The following HK2 variants were observed in gnomAD, a reference collection of about 807,000 sequenced individuals.
HK2 encodes the protein hexokinase-2.
In HK2, 42 loss-of-function variants were observed where a neutral mutation model predicts 92.9. The ratio of observed to expected loss-of-function variants is 0.45; its 90% confidence interval spans 0.35 to 0.58. The LOEUF (loss-of-function observed/expected upper bound fraction) is 0.58. Ranked by LOEUF, HK2 falls within the 20% of genes least tolerant of loss-of-function variation. The pLI is 0.00. For missense variants in HK2, 978 were observed against 1,245.1 expected (o/e 0.79, Z 3.23); for synonymous variants, 422 against 468.0 (o/e 0.90, Z 1.27).
At chr2:74,855,486 C>T (rs897342671) in intron 2 of HK2, among the ~76,000 whole-genome samples, 3 of 152,196 alleles carry the variant, frequency 2.0e-5, no homozygotes, top group Admixed American at 6.5e-5. Context: ...CCGCCCACCT[C>T]GGCCTCCCAA....
intron 2 of HK2, among the ~76,000 whole-genome samples, chr2:74,866,859 AT>A (rs1391825551): frequency 6.6e-6 from 1 of 152,180 alleles, no homozygotes; most frequent in Non-Finnish European, 1.5e-5. Flanking sequence ...GTTGGTCCTC[AT>A]TCCACTCCAT....
chr2:74,837,131 T>G (rs997032794), intron 1 of HK2, among the ~76,000 whole-genome samples: 1 of 152,240 alleles, frequency 6.6e-6, no homozygotes, highest in Non-Finnish European at 1.5e-5. Context: ...AACATTCAAA[T>G]CAGCCCCATG....
In HK2 at chr2:74,881,686, T is replaced by C. The variant is rs151192478; in HGVS notation, c.1571-25T>C. 3.6e-3 allele frequency: 5,761 copies of C among 1,613,502 alleles called. 10 individuals carry two copies. The highest frequency in any genetic ancestry group is 4.4e-3 in the Non-Finnish European group (5,203 of 1,179,734). ...ATTCCCCATGTTCTGCCCCAACTTA[T>C]CACTTCCCTGGGCTTATTTTCCAGA... On this transcript the variant is annotated intron_variant, in intron 10 of 17. Coordinates refer to ENST00000290573, the MANE Select transcript of HK2 (RefSeq NM_000189.5).
In HK2 at chr2:74,848,304, T is replaced by C. The variant is rs28362971; in HGVS notation, c.64-5989T>C. On this transcript the variant is annotated intron_variant, in intron 1 of 17. Transcript: ENST00000290573. ...ATAATATGAGCCAGCTTCTTTGATA[T>C]AAAGTCCTAGAGAGCAGGGCTGTTG... Among the ~76,000 whole-genome samples, 69 of 152,364 alleles carry C rather than the reference T, an allele frequency of 4.5e-4. No individual in the cohort carries two copies. The East Asian group carries it at 6.2e-3, about 14-fold the overall frequency.
intron 1 of HK2, among the ~76,000 whole-genome samples, chr2:74,837,698 A>G (rs1285950717): frequency 8.7e-6 from 1 of 115,550 alleles, no homozygotes; most frequent in African/African-American, 3.4e-5. Context: ...TTTTTTTGAG[A>G]CACAGTTTCA....
At chr2:74,853,073 A>G (rs890817106) in intron 1 of HK2, among the ~76,000 whole-genome samples, 3 of 152,132 alleles carry the variant, frequency 2.0e-5, no homozygotes, top group African/African-American at 7.2e-5. Flanking sequence ...CTCTACAGAG[A>G]GAGGCCTGAA....
chr2:74,841,578 G>A (rs138335528), intron 1 of HK2, among the ~76,000 whole-genome samples: 46 of 152,248 alleles, frequency 3.0e-4, no homozygotes, highest in African/African-American at 7.2e-4. Context: ...TCTTGTGACC[G>A]TCATGGTGGG....
chr2:74,847,074 G>C (rs533837119), intron 1 of HK2, among the ~76,000 whole-genome samples: 2 of 152,292 alleles, frequency 1.3e-5, no homozygotes, highest in South Asian at 4.1e-4. Flanking sequence ...GGCACCTGGA[G>C]AGACGGTTCT....
intron 12 of HK2, among the ~76,000 whole-genome samples, chr2:74,884,892 G>A (rs1360140372): frequency 6.6e-6 from 1 of 152,232 alleles, no homozygotes; most frequent in Non-Finnish European, 1.5e-5. Context: ...GAGGAGCCTG[G>A]AGTTGTTTTC....
intron 2 of HK2, among the ~76,000 whole-genome samples, chr2:74,861,498 T>A (rs1688825530): frequency 1.3e-5 from 2 of 151,664 alleles, no homozygotes; most frequent in Non-Finnish European, 2.9e-5. Flanking sequence ...TTTACATAAA[T>A]CTGTTTTACT....
At position 74,883,729 on chromosome 2, in the gene HK2, C is replaced by A. The variant is rs368377925; in HGVS notation, c.1839+1490C>A. ...CCTATTAACATTCATGTAGTGTTAA[C>A]CAGACTAGCGTTGCTTTATGCCTCA... On this transcript the variant is annotated intron_variant, in intron 12 of 17. Transcript: ENST00000290573. Among the ~76,000 whole-genome samples the A allele has an allele frequency of 5.9e-5, 9 of 152,312 alleles. No individual in the cohort carries two copies. In the East Asian group the frequency reaches 1.7e-3, roughly 29 times the overall value.
At position 74,834,345 on chromosome 2, in the gene HK2, G is replaced by A. The variant is rs1313833255; in HGVS notation, c.-236G>A. On this transcript the variant is annotated 5_prime_UTR_variant, in exon 1 of 18. Transcript: ENST00000290573. The surrounding 1 kb of genome is among the most constrained non-coding windows in gnomAD (Gnocchi z 4.2). ...CGTGGGACAACCGGACACGTCGCCA[G>A]GAGAGAACTGAGGCGCCTTCTAGCA... 3 of 596,608 alleles carry A rather than the reference G, an allele frequency of 5.0e-6. No homozygotes were observed. Among genetic ancestry groups the A allele is most frequent in the Admixed American group, 5.4e-5 (2 of 36,988 alleles). 37.0% of individuals were successfully genotyped at this position (596,608 alleles called of 1,614,324 possible).
At chr2:74,882,056 C>T in intron 11 of HK2, 64 bp from the exon 12 acceptor site, 1 of 1,523,882 alleles carries the variant, frequency 6.6e-7, no homozygotes, top group Non-Finnish European at 9.1e-7. Context: ...TGTGCGCAGG[C>T]CCTACTGGGG....
At chr2:74,872,078 T>C (rs964073747) in intron 3 of HK2, among the ~76,000 whole-genome samples, 1 of 152,240 alleles carries the variant, frequency 6.6e-6, no homozygotes, top group African/African-American at 2.4e-5. Flanking sequence ...GGGCAAAAAC[T>C]AATGTTAAGC....
At chr2:74,855,686 C>T (rs1405510543) in intron 2 of HK2, among the ~76,000 whole-genome samples, 1 of 152,220 alleles carries the variant, frequency 6.6e-6, no homozygotes, top group Non-Finnish European at 1.5e-5. Flanking sequence ...TTAATCTCTG[C>T]AGTAGCATTG....
intron 1 of HK2, among the ~76,000 whole-genome samples, chr2:74,853,334 T>C (rs1346213503): frequency 6.6e-6 from 1 of 152,008 alleles, no homozygotes; most frequent in Non-Finnish European, 1.5e-5. Flanking sequence ...CTAGACAACA[T>C]GGTGAAACCC....
At chr2:74,869,218 A>G (rs1387079966) in intron 3 of HK2, among the ~76,000 whole-genome samples, 2 of 152,192 alleles carry the variant, frequency 1.3e-5, no homozygotes, top group South Asian at 4.1e-4. Context: ...TTTAAAAATG[A>G]AAAGGAAAGA....
In HK2 at chr2:74,875,821, C is replaced by T. The variant is rs28363008; in HGVS notation, c.876-1345C>T. Among the ~76,000 whole-genome samples, 1,141 of 152,202 alleles carry T rather than the reference C, an allele frequency of 7.5e-3. 11 individuals carry two copies. The highest frequency in any genetic ancestry group is 0.026 in the African/African-American group (1,072 of 41,528). On this transcript the variant is annotated intron_variant, in intron 7 of 17. Transcript: ENST00000290573. ...TGAATGAGGCACACCCAAGTCATTC[C>T]GAGGAACTAAAGGCCCTTTCAAATG...
chr2:74,880,499 C>T lies in HK2; in HGVS notation c.1500C>T (p.Ser500=). 6.2e-7 allele frequency: 1 copy of T among 1,614,184 alleles called. No homozygotes were observed. Among genetic ancestry groups the T allele is most frequent in the Non-Finnish European group, 8.5e-7 (1 of 1,180,026 alleles). ...RMKVEMERGL[S]KETHASAPVK... Reference sequence around the variant, plus strand: ...AGGTAGAAATGGAGCGAGGTCTGAGCAAGGAGACTCATGCCAGTGCCCCCG... The same window carrying T: ...AGGTAGAAATGGAGCGAGGTCTGAGTAAGGAGACTCATGCCAGTGCCCCCG... The change falls in exon 10 of 18, where the codon AGC becomes AGT. Residue 500 remains serine (S), a synonymous_variant. Coordinates refer to ENST00000290573, the MANE Select transcript of HK2 (RefSeq NM_000189.5).
Sources: allele counts gnomAD v4.1 joint callset (sites outside exome capture counted in the v4.1 genomes callset), GRCh38; gene constraint gnomAD v4.1.1; non-coding constraint Gnocchi (gnomAD v3.1); transcripts MANE v1.5; gene names NCBI Gene and HGNC (gene_info 2026-07-23, HGNC 2026-07-21).